The following OVCH1 variants were observed in gnomAD, a reference collection of about 807,000 sequenced individuals.
The protein encoded by OVCH1 is ovochymase 1.
A neutral mutation model predicts 138.4 loss-of-function variants in OVCH1; 139 were observed. That is an observed-to-expected ratio of 1.00 (90% confidence interval 0.87 to 1.16). The LOEUF (loss-of-function observed/expected upper bound fraction) is 1.16. Ranked by LOEUF, OVCH1 falls within the 50% of genes most tolerant of loss-of-function variation. OVCH1 has a pLI of 0.00. For synonymous variants in OVCH1, 453 were observed against 467.8 expected (o/e 0.97, Z 0.41); for missense variants, 1,367 against 1,357.9 (o/e 1.01, Z -0.11).
At chr12:29,478,785 T>G in intron 9 of OVCH1, 50 bp downstream of exon 10, 1 of 1,305,424 alleles carries the variant, frequency 7.7e-7, no homozygotes, top group Admixed American at 2.7e-5. Flanking sequence ...ATCTCTTTGG[T>G]CTTTCAGATA....
intron 14 of OVCH1, 67 bp from the exon 15 acceptor site, chr12:29,473,170 A>G: frequency 2.6e-6 from 3 of 1,132,086 alleles, no homozygotes; most frequent in Non-Finnish European, 3.9e-6. Context: ...CCACTTGCTT[A>G]CCCTGGTAAA....
At chr12:29,453,693 C>T (rs1941862322) in intron 21 of OVCH1, among the ~76,000 whole-genome samples, 1 of 152,038 alleles carries the variant, frequency 6.6e-6, no homozygotes, top group Non-Finnish European at 1.5e-5. Flanking sequence ...TCCAATGATC[C>T]ATCATTTTAA....
chr12:29,469,096 T>A (rs1942416293), intron 16 of OVCH1, among the ~76,000 whole-genome samples: 1 of 152,104 alleles, frequency 6.6e-6, no homozygotes, highest in African/African-American at 2.4e-5. Context: ...GCTGGAACAA[T>A]TTGAATGTGG....
intron 8 of OVCH1, among the ~76,000 whole-genome samples, chr12:29,485,604 C>T (rs1465645305): frequency 6.6e-6 from 1 of 152,038 alleles, no homozygotes. Context: ...GAAAACACGT[C>T]TCTACTAAAA....
At chr12:29,438,986 T>C (rs1337434905) in intron 26 of OVCH1, among the ~76,000 whole-genome samples, 1 of 152,152 alleles carries the variant, frequency 6.6e-6, no homozygotes, top group African/African-American at 2.4e-5. Context: ...CAGAAAGCAA[T>C]TGAAAATAAA....
intron 14 of OVCH1, among the ~76,000 whole-genome samples, chr12:29,473,318 G>C (rs1173806774): frequency 6.6e-6 from 1 of 151,766 alleles, no homozygotes; most frequent in East Asian, 1.9e-4. Context: ...TTCCTTCCTT[G>C]GTTTCTTGAT....
intron 12 of OVCH1, among the ~76,000 whole-genome samples, chr12:29,476,743 G>T (rs1942729488): frequency 7.3e-6 from 1 of 137,726 alleles, no homozygotes; most frequent in African/African-American, 2.9e-5. Flanking sequence ...AGCAGCATAA[G>T]TACACACGCG....
At chr12:29,496,098 G>T in intron 3 of OVCH1, 83 bp downstream of exon 3, 3 of 1,256,230 alleles carry the variant, frequency 2.4e-6, no homozygotes, top group Non-Finnish European at 2.3e-6. Context: ...GACTGAGAAT[G>T]AACCTGCTAT....
exon 5 of OVCH1, chr12:29,491,121 T>C (rs1220574673): frequency 6.2e-7 from 1 of 1,613,752 alleles, no homozygotes; most frequent in Non-Finnish European, 8.5e-7. Flanking sequence ...CCCCATCCAC[T>C]GGATAAGCAA....
At chr12:29,479,584 C>T (rs1295095721) in intron 8 of OVCH1, among the ~76,000 whole-genome samples, 1 of 152,152 alleles carries the variant, frequency 6.6e-6, no homozygotes, top group Non-Finnish European at 1.5e-5. Context: ...TAAATCCTAG[C>T]TTCTTCCATG....
intron 5 of OVCH1, among the ~76,000 whole-genome samples, chr12:29,490,791 G>T (rs765745232): frequency 6.6e-6 from 1 of 152,130 alleles, no homozygotes; most frequent in East Asian, 1.9e-4. Flanking sequence ...CAATATTAAA[G>T]ACAAAGAAGC....
downstream of OVCH1, among the ~76,000 whole-genome samples, chr12:29,426,338 TTA>T: frequency 6.6e-6 from 1 of 152,182 alleles, no homozygotes; most frequent in Non-Finnish European, 1.5e-5. Context: ...TACATTAGTT[TTA>T]GTTTGTTTTA....
intron 22 of OVCH1, among the ~76,000 whole-genome samples, chr12:29,450,431 GTC>G (rs1592053478): frequency 1.3e-5 from 2 of 152,222 alleles, no homozygotes; most frequent in East Asian, 3.9e-4. Flanking sequence ...AACATCGCTA[GTC>G]ATTAGAGAAA....
At chr12:29,431,005 C>A in intron 27 of OVCH1, 1 of 440,326 alleles carries the variant, frequency 2.3e-6, no homozygotes, top group Non-Finnish European at 4.5e-6. Flanking sequence ...AATTTTTCCT[C>A]TCATGGAATA....
chr12:29,475,829 C>A (rs556081030), intron 13 of OVCH1, among the ~76,000 whole-genome samples: 2 of 152,202 alleles, frequency 1.3e-5, no homozygotes, highest in African/African-American at 2.4e-5. Context: ...AATTGTCAGA[C>A]CCACGTAGAA....
intron 13 of OVCH1, among the ~76,000 whole-genome samples, 191 bp from the exon 14 acceptor site, chr12:29,475,380 A>AATT (rs1942669691): frequency 6.6e-6 from 1 of 152,166 alleles, no homozygotes; most frequent in Admixed American, 6.6e-5. Context: ...TTTTAATTGC[A>AATT]CAGAAAAAGC....
downstream of OVCH1, among the ~76,000 whole-genome samples, chr12:29,407,940 C>A (rs1940904881): frequency 6.7e-6 from 1 of 148,290 alleles, no homozygotes; most frequent in African/African-American, 2.4e-5. Context: ...TACCCATGAG[C>A]ATGGAATGTT....
At chr12:29,448,132 A>G (rs1941668898) in intron 22 of OVCH1, among the ~76,000 whole-genome samples, 1 of 148,188 alleles carries the variant, frequency 6.7e-6, no homozygotes, top group Non-Finnish European at 1.5e-5. Flanking sequence ...TCAGATCATC[A>G]GGCACTAGAT....
At chr12:29,417,460 CAAAAAAA>C (rs759067203) in intron 3 of OVCH1, among the ~76,000 whole-genome samples, 12 of 60,742 alleles carry the variant, frequency 2.0e-4, no homozygotes, top group African/African-American at 8.4e-4. Context: ...CACTCCGTCT[CAAAAAAA>C]AAAAAAAAAA....
Sources: allele counts gnomAD v4.1 joint callset (sites outside exome capture counted in the v4.1 genomes callset), GRCh38; gene constraint gnomAD v4.1.1; transcripts MANE v1.5; gene names NCBI Gene and HGNC (gene_info 2026-07-23, HGNC 2026-07-21).